BCL2A1: variants seen among roughly 807,000 people sequenced by gnomAD.
BCL2A1 encodes the protein bcl-2-related protein A1.
In BCL2A1, 10 loss-of-function variants were observed where a neutral mutation model predicts 14.4. The observed-to-expected ratio is 0.69, with a 90% confidence interval of 0.43 to 1.18. BCL2A1 has a LOEUF of 1.18. Among genes scored for constraint, BCL2A1 ranks in the 50% most tolerant of loss-of-function variants. The pLI, the probability that BCL2A1 is intolerant of heterozygous loss-of-function variation, is 0.00. For synonymous variants in BCL2A1, 71 were observed against 76.5 expected (o/e 0.93, Z 0.38); for missense variants, 158 against 205.0 (o/e 0.77, Z 1.40).
intron 1 of BCL2A1, among the ~76,000 whole-genome samples, chr15:79,964,872 T>G (rs1458445092): frequency 6.6e-6 from 1 of 152,154 alleles, no homozygotes; most frequent in African/African-American, 2.4e-5. Context: ...CAGGCAAACT[T>G]CTGGCGGAAA....
At chr15:79,969,618 T>C (rs151065719) in intron 1 of BCL2A1, among the ~76,000 whole-genome samples, 1 of 152,200 alleles carries the variant, frequency 6.6e-6, no homozygotes, top group Admixed American at 6.5e-5. Context: ...TGTAAAAATA[T>C]GTATGCAAAA....
chr15:79,967,459 AC>A (rs1222658842), intron 1 of BCL2A1, among the ~76,000 whole-genome samples: 8 of 151,608 alleles, frequency 5.3e-5, no homozygotes, highest in Admixed American at 5.3e-4. Flanking sequence ...CAGGTAATCC[AC>A]CCACCTCAGC....
chr15:79,965,418 C>T (rs916963865), intron 1 of BCL2A1, among the ~76,000 whole-genome samples: 4 of 152,164 alleles, frequency 2.6e-5, no homozygotes, highest in African/African-American at 4.8e-5. Context: ...TGAGCCAATG[C>T]GCCCGGCCCC....
At chr15:79,970,605 A>G in intron 1 of BCL2A1, 95 bp downstream of exon 1, 4 of 1,225,342 alleles carry the variant, frequency 3.3e-6, no homozygotes, top group Non-Finnish European at 4.6e-6. Flanking sequence ...TAGTATTCTT[A>G]GGTAAAGTGT....
chr15:79,964,860 G>A (rs1296666555), intron 1 of BCL2A1, among the ~76,000 whole-genome samples: 1 of 152,234 alleles, frequency 6.6e-6, no homozygotes. Context: ...GAAGAAGTAA[G>A]CCAGGCAAAC....
Position 79,971,089 on chromosome 15 carries a change from T to C in BCL2A1, c.31A>G (p.Arg11Gly). ...CACTGCAGATAGTCCTGAGCCAGCC[T>C]GTAAATATATCCAAATTCACAGTCT... MTDCEFGYIY[R>G]LAQDYLQCVL... is the part of the protein sequence containing the mutation. Residue 11 changes from arginine to glycine, a missense_variant, in exon 1 of 2, where the codon AGG (arginine) becomes GGG (glycine). Transcript: ENST00000267953. 1 of 1,613,772 alleles carries C rather than the reference T, an allele frequency of 6.2e-7. No individual in the cohort carries two copies. Among genetic ancestry groups the C allele is most frequent in the South Asian group, 1.1e-5 (1 of 91,068 alleles).
At chr15:79,967,725 A>G (rs758124327) in intron 1 of BCL2A1, 2 of 1,302,276 alleles carry the variant, frequency 1.5e-6, no homozygotes, top group South Asian at 2.4e-5. Context: ...AAATTCATTC[A>G]TTTAAGCAGA....
Position 79,961,177 on chromosome 15 carries a change from A to G in BCL2A1, c.421-3T>C. ...AACTTCTTTACAAAGCCATTTTCCT[A>G]TAAAAGAATAAATTTAACACTTTAA... On this transcript the variant is annotated splice_polypyrimidine_tract_variant and splice_region_variant and intron_variant, in intron 1 of 1. Coordinates refer to ENST00000267953, the MANE Select transcript of BCL2A1 (RefSeq NM_004049.4). The G allele has an allele frequency of 1.9e-6, 3 of 1,610,830 alleles. No homozygotes were observed. Among genetic ancestry groups the G allele is most frequent in the Non-Finnish European group, 2.5e-6 (3 of 1,177,322 alleles).
chr15:79,962,221 G>A (rs2035496078), intron 1 of BCL2A1, among the ~76,000 whole-genome samples: 1 of 152,142 alleles, frequency 6.6e-6, no homozygotes, highest in Non-Finnish European at 1.5e-5. Flanking sequence ...AGTTGGGAGT[G>A]ACTCGAGAGC....
At chr15:79,969,802 T>C (rs2035577686) in intron 1 of BCL2A1, among the ~76,000 whole-genome samples, 1 of 152,214 alleles carries the variant, frequency 6.6e-6, no homozygotes, top group Non-Finnish European at 1.5e-5. Flanking sequence ...ATGGATAGAT[T>C]CAGTAGGCAT....
chr15:79,965,706 T>C (rs1948363879), intron 1 of BCL2A1, among the ~76,000 whole-genome samples: 1 of 152,174 alleles, frequency 6.6e-6, no homozygotes, highest in Non-Finnish European at 1.5e-5. Context: ...GAGGGTCTTT[T>C]ATTTTTCACT....
chr15:79,961,320 TAC>T (rs1472530577), intron 1 of BCL2A1, 146 bp from the exon 2 acceptor site: 2 of 759,590 alleles, frequency 2.6e-6, no homozygotes, highest in African/African-American at 3.5e-5. Context: ...CTAACAGAAA[TAC>T]AGTGTGACCT....
chr15:79,961,004 C>T lies in BCL2A1; in HGVS notation c.*63G>A. 6.2e-7 allele frequency: 1 copy of T among 1,600,522 alleles called. No homozygotes were observed. The highest frequency in any genetic ancestry group is 8.5e-7 in the Non-Finnish European group (1 of 1,169,910). On this transcript the variant is annotated 3_prime_UTR_variant, in exon 2 of 2. Transcript: ENST00000267953. ...ATTTAAAAGTAGAAGTATGTGTTGG[C>T]AATCGTTTCCATATCAGTCAGAAAA...
rs942036512 is a variant in BCL2A1 at position 79,971,194 on chromosome 15, A to C, written c.-75T>G. 5.0e-6 allele frequency: 7 copies of C among 1,407,884 alleles called. No individual in the cohort carries two copies. The African/African-American group carries it at 7.1e-5, about 14-fold the overall frequency. 87.2% of individuals were successfully genotyped at this position (1,407,884 alleles called of 1,614,324 possible). On this transcript the variant is annotated 5_prime_UTR_variant, in exon 1 of 2. Transcript: ENST00000267953. Reference sequence around the variant, plus strand: ...TTGAGGCAATGTGCTGAGAATGCTCACTGAGCTTGACTGAGTTATGACACA... The same window carrying C: ...TTGAGGCAATGTGCTGAGAATGCTCCCTGAGCTTGACTGAGTTATGACACA...
At chr15:79,967,558 C>G in intron 1 of BCL2A1, 1 of 1,455,632 alleles carries the variant, frequency 6.9e-7, no homozygotes, top group Non-Finnish European at 9.4e-7. Context: ...AGTCTCTGGG[C>G]AATTTTAACA....
chr15:79,965,594 G>A (rs1457917996), intron 1 of BCL2A1, among the ~76,000 whole-genome samples: 1 of 152,118 alleles, frequency 6.6e-6, no homozygotes, highest in East Asian at 1.9e-4. Context: ...CAGCCAGGGG[G>A]ATTTGCTGAT....
intron 1 of BCL2A1, among the ~76,000 whole-genome samples, chr15:79,969,484 G>GATATATAACAGAATA (rs2035574710): frequency 1.3e-5 from 2 of 152,194 alleles, no homozygotes; most frequent in East Asian, 3.8e-4. Flanking sequence ...AAATGGCCAG[G>GATATATAACAGAATA]TACTCTACAG....
At chr15:79,970,470 G>A (rs1015015440) in intron 1 of BCL2A1, among the ~76,000 whole-genome samples, 3 of 152,160 alleles carry the variant, frequency 2.0e-5, no homozygotes, top group Non-Finnish European at 2.9e-5. Flanking sequence ...AATTTATACT[G>A]TTAAGAATAA....
intron 1 of BCL2A1, 29 bp downstream of exon 1, chr15:79,970,671 A>G (rs1325721603): frequency 1.9e-6 from 3 of 1,555,388 alleles, no homozygotes; most frequent in Admixed American, 1.9e-5. Flanking sequence ...ACAGGAAAGA[A>G]CAATGAAGAA....
Sources: gnomAD v4.1 joint callset for allele counts (sites outside exome capture counted in the v4.1 genomes callset) on GRCh38, gnomAD v4.1.1 for gene constraint, MANE v1.5 for transcripts, NCBI Gene and HGNC (gene_info 2026-07-23, HGNC 2026-07-21) for gene names.